Variants in TXNDC16 observed in about 807,000 individuals in gnomAD.
TXNDC16 encodes the protein thioredoxin domain containing 16, also known as thioredoxin domain-containing protein 16.
A neutral mutation model predicts 85.6 loss-of-function variants in TXNDC16; 74 were observed. The observed-to-expected ratio is 0.86, with a 90% confidence interval of 0.72 to 1.05. The LOEUF is 1.05. TXNDC16 is among the 50% of genes least tolerant of loss of function. The probability of loss-of-function intolerance (pLI) is 0.00; values close to 1 mark genes in which losing one functional copy is unlikely to be tolerated. For missense variants in TXNDC16, 959 were observed against 947.0 expected (o/e 1.01, Z -0.17); for synonymous variants, 335 against 326.5 (o/e 1.03, Z -0.28).
chr14:52,438,278 A>G (rs1311265374), intron 20 of TXNDC16, among the ~76,000 whole-genome samples: 2 of 152,228 alleles, frequency 1.3e-5, no homozygotes, highest in Non-Finnish European at 2.9e-5. Flanking sequence ...AAATGCTATC[A>G]AACAGCATCA....
intron 14 of TXNDC16, among the ~76,000 whole-genome samples, chr14:52,479,035 C>A (rs2036083919): frequency 6.6e-6 from 1 of 152,022 alleles, no homozygotes; most frequent in African/African-American, 2.4e-5. Context: ...ATGCGATACA[C>A]CACATAAACG....
rs867408127 is a variant in TXNDC16, at chr14:52,520,479, G to A, written c.393-1186C>T. On this transcript the variant is annotated intron_variant, in intron 6 of 20. Coordinates refer to ENST00000281741, the MANE Select transcript of TXNDC16 (RefSeq NM_020784.3). ...AAAAAAATTAGCCAGGCGCAGTGGC[G>A]GGCACTTGTAGTCCCAGCTACTCGG... Among the ~76,000 whole-genome samples the A allele has an allele frequency of 2.6e-5, 4 of 152,026 alleles. 1 individual carries two copies. The highest frequency in any genetic ancestry group is 2.1e-4 in the South Asian group (1 of 4,812).
At chr14:52,550,369 G>C (rs1293413138) in intron 1 of TXNDC16, among the ~76,000 whole-genome samples, 1 of 152,170 alleles carries the variant, frequency 6.6e-6, no homozygotes, top group Non-Finnish European at 1.5e-5. Context: ...CAAATAAAAT[G>C]TTGATCAGAT....
In TXNDC16 at chr14:52,543,504, G is replaced by C. The variant is rs2037878129; in HGVS notation, c.54C>G (p.Cys18Trp). The change falls in exon 3 of 21, where the codon TGC becomes TGG. Residue 18 changes from cysteine (C) to tryptophan (W), a missense_variant. Cys to Trp is a radical substitution (Grantham distance 215, BLOSUM62 -2). Coordinates refer to ENST00000281741, the MANE Select transcript of TXNDC16 (RefSeq NM_020784.3). ...AGTTTACTGTTGGCATGTAAAAAAT[G>C]CACATTATGACAAAAGAGATCCCAA... ...FRVGISFVIM[C>W]IFYMPTVNSL... 1 of 1,613,672 alleles carries C rather than the reference G, an allele frequency of 6.2e-7. No homozygotes were observed. The highest frequency in any genetic ancestry group is 1.3e-5 in the African/African-American group (1 of 75,034).
In TXNDC16 at chr14:52,530,449, TATATAATAATA is replaced by T. The variant is rs2037515502; in HGVS notation, c.392+6259_392+6269del. Among the ~76,000 whole-genome samples the T allele has an allele frequency of 3.2e-4, 2 of 6,252 alleles. 1 individual carries two copies. The highest frequency in any genetic ancestry group is 1.8e-3 in the African/African-American group (2 of 1,100). The allele number at this position is 6,252 out of a possible 152,430, so 4.1% of individuals were successfully genotyped here. A position where few individuals can be genotyped will look rare whatever the true frequency, so the allele number is the denominator to read the frequency against. ...TATATAATAATATATAATATATTATTATATAATAATATATATTATATATTATTATATATAAT... is the reference window on the plus strand; with the variant it reads ...TATATAATAATATATAATATATTATTTATATTATATATTATTATATATAAT... On this transcript the variant is annotated intron_variant, in intron 6 of 20. Coordinates refer to ENST00000281741, the MANE Select transcript of TXNDC16 (RefSeq NM_020784.3).
chr14:52,491,247 T>C (rs998652586), intron 9 of TXNDC16, among the ~76,000 whole-genome samples: 1 of 151,066 alleles, frequency 6.6e-6, no homozygotes, highest in Non-Finnish European at 1.5e-5. Context: ...AATGGCACAA[T>C]CACAGCTCAT....
At chr14:52,525,773 T>C (rs1209302628) in intron 6 of TXNDC16, among the ~76,000 whole-genome samples, 1 of 150,316 alleles carries the variant, frequency 6.7e-6, no homozygotes, top group African/African-American at 2.4e-5. Flanking sequence ...ACTTTCCTTT[T>C]CTAAATACAA....
intron 18 of TXNDC16, among the ~76,000 whole-genome samples, chr14:52,453,873 A>T (rs4901279): frequency 0.13 from 20,170 of 152,136 alleles, 1,404 homozygotes; most frequent in Non-Finnish European, 0.15. Flanking sequence ...TTTTGGATAA[A>T]AAAAGCCTTT....
At chr14:52,490,685 G>T (rs1194074494) in intron 10 of TXNDC16, among the ~76,000 whole-genome samples, 154 bp downstream of exon 10, 1 of 152,116 alleles carries the variant, frequency 6.6e-6, no homozygotes, top group Non-Finnish European at 1.5e-5. Context: ...AACCTTAAAT[G>T]AATGTACAGA....
intron 9 of TXNDC16, among the ~76,000 whole-genome samples, chr14:52,506,300 A>C (rs186567419): frequency 3.7e-4 from 56 of 152,212 alleles, no homozygotes; most frequent in Non-Finnish European, 7.5e-4. Flanking sequence ...AGTATCCCTG[A>C]TGAACATTGA....
chr14:52,496,629 CAG>C (rs1379488188), intron 9 of TXNDC16, among the ~76,000 whole-genome samples: 1 of 139,210 alleles, frequency 7.2e-6, no homozygotes, highest in Non-Finnish European at 1.5e-5. Context: ...TTTTTTGAGA[CAG>C]AGTCTCACTC....
rs367651293 is a variant in TXNDC16 at position 52,540,632 on chromosome 14, A to AG, written c.243+1738dup. On this transcript the variant is annotated intron_variant, in intron 4 of 20. Coordinates refer to ENST00000281741, the MANE Select transcript of TXNDC16 (RefSeq NM_020784.3). Reference sequence around the variant, plus strand: ...AGAGCAAGACTCGGTCTCAAAAAAAAGAAGAAAAAAAACTTCTATGGCACT... The same window carrying AG: ...AGAGCAAGACTCGGTCTCAAAAAAAAGGAAGAAAAAAAACTTCTATGGCACT... Among the ~76,000 whole-genome samples, 26 of 152,286 alleles carry AG rather than the reference A, an allele frequency of 1.7e-4. 1 individual carries two copies. The highest frequency in any genetic ancestry group is 6.0e-4 in the African/African-American group (25 of 41,558).
At chr14:52,501,955 T>C (rs1594734784) in intron 9 of TXNDC16, among the ~76,000 whole-genome samples, 2 of 152,204 alleles carry the variant, frequency 1.3e-5, no homozygotes, top group Non-Finnish European at 2.9e-5. Context: ...CACCCGCCAA[T>C]AGTCTCAAGG....
intron 9 of TXNDC16, among the ~76,000 whole-genome samples, chr14:52,509,845 T>C (rs1594742669): frequency 6.6e-6 from 1 of 152,044 alleles, no homozygotes; most frequent in East Asian, 1.9e-4. Context: ...CCAGGTGTGG[T>C]GGCAGGTGCC....
chr14:52,469,729 G>A (rs970290998), intron 16 of TXNDC16, among the ~76,000 whole-genome samples: 3 of 151,938 alleles, frequency 2.0e-5, no homozygotes, highest in African/African-American at 2.4e-5. Flanking sequence ...GTGACAGAGC[G>A]AGACTCTGTC....
chr14:52,505,240 C>T (rs963123711), intron 9 of TXNDC16, among the ~76,000 whole-genome samples: 1 of 152,156 alleles, frequency 6.6e-6, no homozygotes, highest in Non-Finnish European at 1.5e-5. Flanking sequence ...ATCTACAGAA[C>T]TCTCCACCCC....
At chr14:52,495,501 G>T (rs1054882160) in intron 9 of TXNDC16, among the ~76,000 whole-genome samples, 13 of 152,154 alleles carry the variant, frequency 8.5e-5, no homozygotes, top group African/African-American at 2.9e-4. Flanking sequence ...GCCCAACCAG[G>T]TTCAGGTAGA....
chr14:52,445,283 T>A (rs976380913), intron 18 of TXNDC16, among the ~76,000 whole-genome samples: 2 of 152,178 alleles, frequency 1.3e-5, no homozygotes, highest in East Asian at 3.8e-4. Flanking sequence ...ACATACATCA[T>A]GAACATATCA....
chr14:52,506,592 C>G (rs2036812184), intron 9 of TXNDC16, among the ~76,000 whole-genome samples: 1 of 133,166 alleles, frequency 7.5e-6, no homozygotes, highest in South Asian at 2.4e-4. Context: ...CTCTGTCGCC[C>G]AGGCCAGACT....
Sources: allele counts gnomAD v4.1 joint callset (sites outside exome capture counted in the v4.1 genomes callset), GRCh38; gene constraint gnomAD v4.1.1; transcripts MANE v1.5; gene names NCBI Gene and HGNC (gene_info 2026-07-23, HGNC 2026-07-21).